PECR: variants seen among roughly 807,000 people sequenced by gnomAD.
The protein encoded by PECR is peroxisomal trans-2-enoyl-CoA reductase.
PECR carries 30 observed loss-of-function variants against 35.3 expected under a neutral mutation model. The ratio of observed to expected loss-of-function variants is 0.85; its 90% CI spans 0.64 to 1.15. PECR has a LOEUF of 1.15. PECR is among the 50% of genes most tolerant of loss of function. The pLI, the probability that PECR is intolerant of heterozygous loss-of-function variation, is 0.00. For missense variants in PECR, 392 were observed against 370.8 expected (o/e 1.06, Z -0.47); for synonymous variants, 148 against 138.9 (o/e 1.07, Z -0.46).
In PECR at chr2:216,043,979, C is replaced by T. The variant is rs1168672857; in HGVS notation, c.751G>A (p.Ala251Thr). The change falls in exon 7 of 8, where the codon GCT (alanine) becomes ACT (threonine). Residue 251 changes from alanine to threonine, a missense_variant. Ala to Thr is a moderately conservative substitution (Grantham distance 58, BLOSUM62 0). Transcript: ENST00000265322. Reference protein sequence around the residue: ...SVVCFLLSPAASFITGQSVDV... With the variant: ...SVVCFLLSPATSFITGQSVDV... ...ACCGACTGTCCAGTGATGAAGGAAGCTGCAGGAGACAGTAGGAAGCAGACC... is the reference window on the plus strand; with the variant it reads ...ACCGACTGTCCAGTGATGAAGGAAGTTGCAGGAGACAGTAGGAAGCAGACC... 6 of 1,612,314 alleles carry T rather than the reference C, an allele frequency of 3.7e-6. No individual in the cohort carries two copies. Among genetic ancestry groups the T allele is most frequent in the Non-Finnish European group, 5.1e-6 (6 of 1,178,538 alleles).
chr2:216,046,318 T>G (rs1359340501), intron 6 of PECR, among the ~76,000 whole-genome samples: 49 of 130,054 alleles, frequency 3.8e-4, no homozygotes, highest in African/African-American at 1.4e-3. Context: ...ATATTTTTTT[T>G]TTTTTTTTTT....
intron 3 of PECR, 60 bp downstream of exon 3, chr2:216,065,252 T>G (rs566327848): frequency 7.4e-5 from 86 of 1,155,736 alleles, no homozygotes; most frequent in Non-Finnish European, 1.1e-4. Context: ...GAGTCCCTAA[T>G]AGGAATCCTG....
At position 216,043,312 on chromosome 2, in the gene PECR, G is replaced by A. The variant is rs1247991465; in HGVS notation, c.826+592C>T. Reference sequence around the variant, plus strand: ...TTTAGTAGAGACGGGGTTTCACTGTGTTAACCAGGCTGGTCTCTATCTCCT... The same window carrying A: ...TTTAGTAGAGACGGGGTTTCACTGTATTAACCAGGCTGGTCTCTATCTCCT... On this transcript the variant is annotated intron_variant, in intron 7 of 7. Transcript: ENST00000265322. Among the ~76,000 whole-genome samples the A allele has an allele frequency of 2.0e-5, 3 of 151,844 alleles. 1 individual carries two copies. The highest frequency in any genetic ancestry group is 7.3e-5 in the African/African-American group (3 of 41,314).
intron 7 of PECR, among the ~76,000 whole-genome samples, chr2:216,042,599 G>C (rs4674050): frequency 6.6e-5 from 10 of 151,904 alleles, no homozygotes; most frequent in Admixed American, 2.0e-4. Flanking sequence ...ACCTTTTAAC[G>C]TCTGTGGATT....
chr2:216,079,371 CTTT>C (rs781386180), intron 1 of PECR, among the ~76,000 whole-genome samples: 2 of 142,570 alleles, frequency 1.4e-5, no homozygotes, highest in Non-Finnish European at 1.5e-5. Flanking sequence ...ATATGTAATA[CTTT>C]TTTTTTTTTT....
chr2:216,031,691 G>GAAAGAAAGAAAGAGAAAGAAAGAAAGAA, intron 7 of PECR, among the ~76,000 whole-genome samples: 1 of 61,164 alleles, frequency 1.6e-5, no homozygotes, highest in African/African-American at 6.0e-5. Context: ...AAGAAAGAAA[G>GAAAGAAAGAAAGAGAAAGAAAGAAAGAA]AGAAAGAAAG....
chr2:216,069,430 C>A (rs1268584813), intron 1 of PECR, among the ~76,000 whole-genome samples: 1 of 152,044 alleles, frequency 6.6e-6, no homozygotes, highest in African/African-American at 2.4e-5. Context: ...AAAGTGAGAC[C>A]AAGAAATGAA....
intron 4 of PECR, among the ~76,000 whole-genome samples, chr2:216,052,707 G>C (rs1484099013): frequency 1.3e-5 from 2 of 152,136 alleles, no homozygotes; most frequent in Admixed American, 6.6e-5. Context: ...TTGTACTGGG[G>C]TTTGTTGAGC....
intron 7 of PECR, among the ~76,000 whole-genome samples, chr2:216,039,719 G>A (rs561147072): frequency 2.1e-4 from 32 of 152,244 alleles, no homozygotes; most frequent in Non-Finnish European, 2.8e-4. Flanking sequence ...TTTAAAAATA[G>A]TGTCCTTACT....
At chr2:216,066,618 G>A (rs981913345) in intron 1 of PECR, 100 bp from the exon 2 acceptor site, 3 of 1,003,012 alleles carry the variant, frequency 3.0e-6, no homozygotes, top group Non-Finnish European at 3.2e-6. Context: ...AAATAAATAT[G>A]CCTTCATGAG....
At chr2:216,036,783 AT>A (rs887517949), downstream of PECR, among the ~76,000 whole-genome samples, 1 of 152,164 alleles carries the variant, frequency 6.6e-6, no homozygotes, top group African/African-American at 2.4e-5. Flanking sequence ...AATAAGTGTC[AT>A]GCAAATCTCA....
chr2:216,051,958 G>A (rs1170603266), intron 4 of PECR, among the ~76,000 whole-genome samples: 3 of 152,178 alleles, frequency 2.0e-5, no homozygotes, highest in Admixed American at 1.3e-4. Flanking sequence ...AGGCCAAGGC[G>A]GGCGGATCAC....
intron 1 of PECR, among the ~76,000 whole-genome samples, chr2:216,070,551 A>G (rs917630688): frequency 3.3e-5 from 5 of 152,194 alleles, no homozygotes; most frequent in African/African-American, 9.6e-5. Context: ...TACTGTTACT[A>G]CTTACTATTT....
intron 1 of PECR, among the ~76,000 whole-genome samples, 167 bp downstream of exon 1, chr2:216,081,451 G>A (rs1695847468): frequency 6.6e-6 from 1 of 152,180 alleles, no homozygotes; most frequent in South Asian, 2.1e-4. Context: ...CTTAGGAAGA[G>A]CTGCTCTCTT....
intron 1 of PECR, among the ~76,000 whole-genome samples, chr2:216,068,238 A>AC (rs1182722209): frequency 1.3e-5 from 2 of 151,474 alleles, no homozygotes; most frequent in African/African-American, 4.8e-5. Flanking sequence ...AAAAAAAAAA[A>AC]AAAAAAAAAA....
intron 7 of PECR, among the ~76,000 whole-genome samples, chr2:216,029,506 C>A (rs1307237252): frequency 6.6e-6 from 1 of 152,116 alleles, no homozygotes; most frequent in African/African-American, 2.4e-5. Context: ...TGAGTTAGGA[C>A]GACAAAGGCA....
At position 216,066,925 on chromosome 2, in the gene PECR, C is replaced by T. The variant is rs570009899; in HGVS notation, c.125-407G>A. On this transcript the variant is annotated intron_variant, in intron 1 of 7. Coordinates refer to ENST00000265322, the MANE Select transcript of PECR (RefSeq NM_018441.6). Reference sequence around the variant, plus strand: ...TCTGGACAAGATGGAGTAGTAGAAACTGAATTTGCCCTCCATCCTGAAATA... The same window carrying T: ...TCTGGACAAGATGGAGTAGTAGAAATTGAATTTGCCCTCCATCCTGAAATA... Among the ~76,000 whole-genome samples the T allele has an allele frequency of 2.6e-5, 4 of 152,174 alleles. No homozygotes were observed. In the South Asian group the frequency reaches 8.3e-4, roughly 32 times the overall value.
At chr2:216,040,255 CTTTATTTTTTTAATT>C (rs1311355061) in intron 7 of PECR, among the ~76,000 whole-genome samples, 1 of 152,072 alleles carries the variant, frequency 6.6e-6, no homozygotes, top group African/African-American at 2.4e-5. Context: ...CGACAAATGA[CTTTATTTTTTTAATT>C]TTTATTTTTT....
intron 4 of PECR, 31 bp from the exon 5 acceptor site, chr2:216,051,576 C>T: frequency 7.7e-7 from 1 of 1,291,752 alleles, no homozygotes; most frequent in Non-Finnish European, 1.1e-6. Context: ...ACATGACAAT[C>T]AGCTTCTGTT....
Sources: gnomAD v4.1 joint callset for allele counts (sites outside exome capture counted in the v4.1 genomes callset) on GRCh38, gnomAD v4.1.1 for gene constraint, MANE v1.5 for transcripts, NCBI Gene and HGNC (gene_info 2026-07-23, HGNC 2026-07-21) for gene names.